Variants in KCNH7 observed in about 807,000 individuals in gnomAD.
KCNH7 encodes potassium voltage-gated channel subfamily H member 7.
KCNH7 carries 49 observed loss-of-function variants against 120.8 expected under a neutral mutation model. That is an observed-to-expected ratio of 0.41 (90% CI 0.32 to 0.51). The LOEUF (loss-of-function observed/expected upper bound fraction) is 0.51. Among genes scored for constraint, KCNH7 ranks in the 20% least tolerant of loss-of-function variants. KCNH7 has a pLI of 0.38. For missense variants in KCNH7, 1,097 were observed against 1,446.6 expected (o/e 0.76, Z 3.92); for synonymous variants, 547 against 516.1 (o/e 1.06, Z -0.81).
rs75800654 is a variant in KCNH7 at position 162,420,543 on chromosome 2, G to T, written c.2154+2793C>A. On this transcript the variant is annotated intron_variant, in intron 9 of 15. Coordinates refer to ENST00000332142, the MANE Select transcript of KCNH7 (RefSeq NM_033272.4). ...GTGCTTTAAGTTTTGAAACATTCTG[G>T]CAATAGCTTTTACACAAAAAGCAAA... 5.5e-3 allele frequency among the ~76,000 whole-genome samples: 836 copies of T among 152,198 alleles called. 5 individuals carry two copies. The highest frequency in any genetic ancestry group is 0.019 in the African/African-American group (770 of 41,522).
intron 6 of KCNH7, among the ~76,000 whole-genome samples, chr2:162,473,670 G>A (rs530948684): frequency 6.6e-6 from 1 of 152,300 alleles, no homozygotes; most frequent in African/African-American, 2.4e-5. Flanking sequence ...GCTAGGCTCT[G>A]TGGATACAGA....
At chr2:162,749,637 T>G (rs964130422) in intron 2 of KCNH7, among the ~76,000 whole-genome samples, 33 of 152,168 alleles carry the variant, frequency 2.2e-4, no homozygotes, top group Non-Finnish European at 5.9e-5. Flanking sequence ...GTAGCTGACG[T>G]TTGACCAAAG....
At chr2:162,834,261 C>G (rs1685575043) in intron 2 of KCNH7, among the ~76,000 whole-genome samples, 1 of 152,072 alleles carries the variant, frequency 6.6e-6, no homozygotes. Flanking sequence ...AGCCAAAACA[C>G]AAGTTTATTA....
At chr2:162,797,510 A>G (rs887985441) in intron 2 of KCNH7, 11 of 152,148 alleles carry the variant, frequency 7.2e-5, no homozygotes, top group African/African-American at 2.4e-4. Flanking sequence ...TGGTTGGACC[A>G]GAATTATAGC....
chr2:162,443,726 C>T (rs536528501), intron 7 of KCNH7, among the ~76,000 whole-genome samples: 73 of 152,324 alleles, frequency 4.8e-4, no homozygotes, highest in African/African-American at 1.7e-3. Context: ...CCTTTGCAGT[C>T]TTCAAAATGT....
intron 2 of KCNH7, among the ~76,000 whole-genome samples, chr2:162,544,220 A>G (rs1045069541): frequency 3.9e-5 from 6 of 152,144 alleles, no homozygotes; most frequent in African/African-American, 9.7e-5. Context: ...GGTAATGTAT[A>G]TGACAGAACT....
At position 162,583,545 on chromosome 2, in the gene KCNH7, CA is replaced by C. The variant is rs200536323; in HGVS notation, c.308-46466del. 5.4e-3 allele frequency among the ~76,000 whole-genome samples: 828 copies of C among 152,028 alleles called. 14 individuals are homozygous for C. Among genetic ancestry groups the C allele is most frequent in the African/African-American group, 0.019 (770 of 41,496 alleles). Reference sequence around the variant, plus strand: ...TACGACTAATACATCTATTTTTAAACAAGCAAGGAAAAAAACTCCAAATTCT... The same window carrying C: ...TACGACTAATACATCTATTTTTAAACAGCAAGGAAAAAAACTCCAAATTCT... On this transcript the variant is annotated intron_variant, in intron 2 of 15. Transcript: ENST00000332142.
chr2:162,629,715 C>T (rs1683697600), intron 2 of KCNH7, among the ~76,000 whole-genome samples: 1 of 152,024 alleles, frequency 6.6e-6, no homozygotes, highest in Admixed American at 6.6e-5. Context: ...ATGTTAGTAG[C>T]TTGAAATTGG....
chr2:162,755,258 A>G (rs926114227), intron 2 of KCNH7, among the ~76,000 whole-genome samples: 1 of 152,046 alleles, frequency 6.6e-6, no homozygotes, highest in African/African-American at 2.4e-5. Context: ...ACCTGAGGTC[A>G]AGGAGATCTA....
intron 11 of KCNH7, among the ~76,000 whole-genome samples, chr2:162,395,761 T>C (rs555161703): frequency 3.3e-5 from 5 of 151,880 alleles, no homozygotes; most frequent in African/African-American, 1.2e-4. Flanking sequence ...GGGTATTAAA[T>C]GGCATCTAGG....
At chr2:162,406,696 T>C (rs1382142299) in intron 9 of KCNH7, among the ~76,000 whole-genome samples, 3 of 152,028 alleles carry the variant, frequency 2.0e-5, no homozygotes, top group African/African-American at 7.2e-5. Flanking sequence ...TAATATTTTA[T>C]AGCCTTTCCT....
chr2:162,800,244 C>A lies in KCNH7; in HGVS notation c.307+36293G>T, dbSNP rs760623231. On this transcript the variant is annotated intron_variant, in intron 2 of 15. Transcript: ENST00000332142. ...TGTAAGTGAGAATTGTTATTGCTGC[C>A]GTGATTTCAGCACCTTAAATATTTA... Among the ~76,000 whole-genome samples, 11 of 151,322 alleles carry A rather than the reference C, an allele frequency of 7.3e-5. No individual in the cohort carries two copies. The South Asian group carries it at 2.3e-3, about 32-fold the overall frequency.
intron 2 of KCNH7, among the ~76,000 whole-genome samples, chr2:162,557,099 A>G (rs1324261715): frequency 6.6e-6 from 1 of 152,190 alleles, no homozygotes; most frequent in African/African-American, 2.4e-5. Flanking sequence ...GTTCCAGCTT[A>G]GATTCCTCCA....
chr2:162,821,715 C>T (rs1463955413), intron 2 of KCNH7, among the ~76,000 whole-genome samples: 7 of 152,178 alleles, frequency 4.6e-5, no homozygotes, highest in African/African-American at 1.7e-4. Flanking sequence ...CATACGATCA[C>T]CTTAACTGTG....
At chr2:162,775,551 C>T (rs1054103206) in intron 2 of KCNH7, among the ~76,000 whole-genome samples, 8 of 151,908 alleles carry the variant, frequency 5.3e-5, no homozygotes, top group African/African-American at 1.9e-4. Flanking sequence ...AAGTAAAAAA[C>T]TGATTATAAA....
chr2:162,477,778 G>A (rs1356888042), intron 6 of KCNH7, among the ~76,000 whole-genome samples: 1 of 151,842 alleles, frequency 6.6e-6, no homozygotes, highest in East Asian at 1.9e-4. Flanking sequence ...CTTCAAATGC[G>A]TGCCTACATT....
intron 2 of KCNH7, among the ~76,000 whole-genome samples, chr2:162,686,593 G>A (rs972986438): frequency 2.6e-5 from 4 of 152,134 alleles, no homozygotes; most frequent in Admixed American, 1.3e-4. Context: ...AGCCTTTAGA[G>A]AGAGTCTGGC....
intron 2 of KCNH7, among the ~76,000 whole-genome samples, chr2:162,552,264 C>G (rs7580745): frequency 6.6e-6 from 1 of 152,054 alleles, no homozygotes; most frequent in Admixed American, 6.5e-5. Flanking sequence ...ATATCTGGTT[C>G]TTAGTACTCT....
intron 13 of KCNH7, among the ~76,000 whole-genome samples, chr2:162,381,105 A>G (rs1459090777): frequency 2.0e-5 from 3 of 152,090 alleles, no homozygotes; most frequent in Admixed American, 6.6e-5. Context: ...TAAAGGAGAA[A>G]CATTTTTCTT....
Sources: gnomAD v4.1 joint callset for allele counts (sites outside exome capture counted in the v4.1 genomes callset) on GRCh38, gnomAD v4.1.1 for gene constraint, MANE v1.5 for transcripts, NCBI Gene and HGNC (gene_info 2026-07-23, HGNC 2026-07-21) for gene names.